RAE1: variants seen among roughly 807,000 people sequenced by gnomAD.
RAE1 encodes the protein mRNA export factor RAE1.
RAE1 carries 13 observed loss-of-function variants against 52.7 expected under a neutral mutation model. The ratio of observed to expected loss-of-function variants is 0.25; its 90% CI spans 0.16 to 0.39. RAE1 has a LOEUF of 0.39. RAE1 is among the 10% of genes least tolerant of loss of function. The probability of loss-of-function intolerance (pLI) is 1.00; values close to 1 mark genes in which losing one functional copy is unlikely to be tolerated. For synonymous variants in RAE1, 164 were observed against 153.1 expected (o/e 1.07, Z -0.52); for missense variants, 262 against 459.8 (o/e 0.57, Z 3.93).
intron 4 of RAE1, among the ~76,000 whole-genome samples, chr20:57,361,447 T>C (rs1334707523): frequency 6.6e-6 from 1 of 152,162 alleles, no homozygotes. Context: ...TTCTTGTGTT[T>C]GGGGTTTGGC....
At chr20:57,377,361 A>G (rs1454145209) in intron 11 of RAE1, among the ~76,000 whole-genome samples, 1 of 152,154 alleles carries the variant, frequency 6.6e-6, no homozygotes, top group Non-Finnish European at 1.5e-5. Context: ...ATGTGATCAC[A>G]TCACTGACCT....
intron 11 of RAE1, among the ~76,000 whole-genome samples, chr20:57,376,567 G>A (rs888449924): frequency 1.3e-4 from 20 of 152,304 alleles, no homozygotes; most frequent in African/African-American, 4.3e-4. Flanking sequence ...TCACTTGTCC[G>A]TTACTTTTCA....
At chr20:57,360,343 G>A (rs910328151) in intron 4 of RAE1, among the ~76,000 whole-genome samples, 7 of 152,094 alleles carry the variant, frequency 4.6e-5, no homozygotes, top group Admixed American at 4.6e-4. Context: ...TTGACCTAAC[G>A]TTTTTATGTG....
At chr20:57,353,990 T>C (rs765919394) in intron 1 of RAE1, 42 bp from the exon 2 acceptor site, 23 of 1,531,800 alleles carry the variant, frequency 1.5e-5, no homozygotes, top group South Asian at 1.2e-4. Flanking sequence ...CTCAGTGATA[T>C]TAAGAGAAAA....
At chr20:57,369,542 C>T (rs1242608226) in intron 8 of RAE1, among the ~76,000 whole-genome samples, 1 of 152,222 alleles carries the variant, frequency 6.6e-6, no homozygotes, top group Non-Finnish European at 1.5e-5. Flanking sequence ...TCCAGCCCTT[C>T]TGTATAGCCA....
In RAE1 at chr20:57,378,384, C is replaced by T. The variant is rs2067146570; in HGVS notation, c.*285C>T. 8.3e-6 allele frequency: 3 copies of T among 361,640 alleles called. No homozygotes were observed. Among genetic ancestry groups the T allele is most frequent in the African/African-American group, 2.1e-5 (1 of 48,650 alleles). 22.4% of individuals were successfully genotyped at this position (361,640 alleles called of 1,614,324 possible). A position where few individuals can be genotyped will look rare whatever the true frequency, so the allele number is the denominator to read the frequency against. ...AGGGATTTTGCAGCGCTTCAGTGTA[C>T]GTGTTAGAGAATATTGGAAAAGCGT... On this transcript the variant is annotated 3_prime_UTR_variant, in exon 12 of 12. Coordinates refer to ENST00000395841, the MANE Select transcript of RAE1 (RefSeq NM_003610.4).
intron 8 of RAE1, 42 bp downstream of exon 8, chr20:57,368,854 G>C: frequency 6.7e-7 from 1 of 1,481,978 alleles, no homozygotes; most frequent in Non-Finnish European, 9.4e-7. Context: ...TTTAGCACCT[G>C]TTGTATGCAA....
At position 57,353,957 on chromosome 20, in the gene RAE1, A is replaced by T; in HGVS notation, c.-7-75A>T. The stretch of plus-strand genomic sequence containing the variant: ...CCACTTTGAGTATTTCTCTTCTGCC[A>T]GTTAATTATCTTACCATTGCCTCTC... On this transcript the variant is annotated intron_variant, in intron 1 of 11. Coordinates refer to ENST00000395841, the MANE Select transcript of RAE1 (RefSeq NM_003610.4). The T allele has an allele frequency of 5.4e-6, 7 of 1,297,066 alleles. No homozygotes were observed. The South Asian group carries it at 9.1e-5, about 17-fold the overall frequency. 80.3% of individuals were successfully genotyped at this position (1,297,066 alleles called of 1,614,324 possible).
intron 11 of RAE1, among the ~76,000 whole-genome samples, chr20:57,377,317 G>A (rs924365825): frequency 6.6e-6 from 1 of 152,106 alleles, no homozygotes; most frequent in Non-Finnish European, 1.5e-5. Flanking sequence ...CATCTGCCTG[G>A]CCCACCCCAC....
intron 4 of RAE1, among the ~76,000 whole-genome samples, chr20:57,357,243 TCTTC>T (rs1162210586): frequency 6.6e-6 from 1 of 152,216 alleles, no homozygotes; most frequent in Non-Finnish European, 1.5e-5. Flanking sequence ...CTCCAAATTC[TCTTC>T]CTTCCTTTTG....
intron 10 of RAE1, 67 bp downstream of exon 10, chr20:57,373,805 T>C (rs2067071451): frequency 2.0e-6 from 3 of 1,505,500 alleles, no homozygotes; most frequent in East Asian, 4.5e-5. Flanking sequence ...GGCTGAGGAA[T>C]TGTGGGATCA....
rs1346775356 is a variant in RAE1, at chr20:57,375,098, G to A, written c.1020+297G>A. On this transcript the variant is annotated intron_variant, in intron 11 of 11. Coordinates refer to ENST00000395841, the MANE Select transcript of RAE1 (RefSeq NM_003610.4). ...AAGCCGGGGGCTGCACTTTATGAAG[G>A]GGGTGGCAGGGCGGGTCATGGAGCT... is the stretch of plus-strand genomic sequence containing the variant. 3 of 676,288 alleles carry A rather than the reference G, an allele frequency of 4.4e-6. No individual in the cohort carries two copies. In the Admixed American group the frequency reaches 6.3e-5, roughly 14 times the overall value. 41.9% of individuals were successfully genotyped at this position (676,288 alleles called of 1,614,324 possible).
chr20:57,356,776 A>G, intron 4 of RAE1, among the ~76,000 whole-genome samples: 1 of 152,194 alleles, frequency 6.6e-6, no homozygotes, highest in East Asian at 1.9e-4. Context: ...TTAATGATTA[A>G]GGGATAATTT....
intron 4 of RAE1, chr20:57,358,767 A>G (rs1201608029): frequency 5.1e-6 from 2 of 394,726 alleles, no homozygotes; most frequent in African/African-American, 4.1e-5. Context: ...TACTCCGTTT[A>G]TCAAATTATT....
At chr20:57,353,282 G>A (rs2066737519) in intron 1 of RAE1, among the ~76,000 whole-genome samples, 1 of 152,196 alleles carries the variant, frequency 6.6e-6, no homozygotes, top group Non-Finnish European at 1.5e-5. Flanking sequence ...TTGATCCCCA[G>A]AGCAGCCCTG....
chr20:57,378,273 G>A lies in RAE1; in HGVS notation c.*174G>A, dbSNP rs759781498. ...GCCCAGGCGTCCGCGGCGACTTGCC[G>A]TCTCTCCATTCCACTGCCTGTTGCA... is the stretch of plus-strand genomic sequence containing the variant. On this transcript the variant is annotated 3_prime_UTR_variant, in exon 12 of 12. Coordinates refer to ENST00000395841, the MANE Select transcript of RAE1 (RefSeq NM_003610.4). 4.1e-4 allele frequency: 231 copies of A among 565,066 alleles called. No homozygotes were observed. The highest frequency in any genetic ancestry group is 1.0e-3 in the Admixed American group (33 of 32,060). 35.0% of individuals were successfully genotyped at this position (565,066 alleles called of 1,614,324 possible). A position where few individuals can be genotyped will look rare whatever the true frequency, so the allele number is the denominator to read the frequency against.
At position 57,353,357 on chromosome 20, in the gene RAE1, C is replaced by A. The variant is rs76554171; in HGVS notation, c.-7-675C>A. ...AATGAAGACTGGTGAGATTAGAGTCCCAACTCCTGAGTGGCAAGAGGCCCT... is the reference window on the plus strand; with the variant it reads ...AATGAAGACTGGTGAGATTAGAGTCACAACTCCTGAGTGGCAAGAGGCCCT... On this transcript the variant is annotated intron_variant, in intron 1 of 11. Coordinates refer to ENST00000395841, the MANE Select transcript of RAE1 (RefSeq NM_003610.4). Among the ~76,000 whole-genome samples, 259 of 152,234 alleles carry A rather than the reference C, an allele frequency of 1.7e-3. 3 individuals carry two copies. The East Asian group carries it at 0.048, about 28-fold the overall frequency.
intron 3 of RAE1, among the ~76,000 whole-genome samples, chr20:57,356,197 C>T (rs1167333762): frequency 6.6e-6 from 1 of 152,102 alleles, no homozygotes; most frequent in African/African-American, 2.4e-5. Flanking sequence ...AGACATATCT[C>T]ATAGATGCAT....
At chr20:57,359,331 T>G in intron 4 of RAE1, 1 of 238,770 alleles carries the variant, frequency 4.2e-6, no homozygotes, top group African/African-American at 2.2e-5. Context: ...CCGTCTGATG[T>G]AAGCTTATGC....
Sources: gnomAD v4.1 joint callset for allele counts (sites outside exome capture counted in the v4.1 genomes callset) on GRCh38, gnomAD v4.1.1 for gene constraint, MANE v1.5 for transcripts, NCBI Gene and HGNC (gene_info 2026-07-23, HGNC 2026-07-21) for gene names.